The following PITPNM3 variants were observed in gnomAD, a reference collection of about 807,000 sequenced individuals.
PITPNM3 encodes the protein membrane-associated phosphatidylinositol transfer protein 3.
In PITPNM3, 26 loss-of-function variants were observed where a neutral mutation model predicts 102.0. The observed-to-expected ratio is 0.25, with a 90% CI of 0.19 to 0.35. The LOEUF is 0.35. Ranked by LOEUF, PITPNM3 falls within the 10% of genes least tolerant of loss-of-function variation. The probability of loss-of-function intolerance (pLI) is 1.00; values close to 1 mark genes in which losing one functional copy is unlikely to be tolerated. For synonymous variants in PITPNM3, 578 were observed against 558.6 expected, an observed-to-expected ratio of 1.03 and a Z score of -0.49; for missense variants, 1,083 against 1,346.1, an observed-to-expected ratio of 0.80 and a Z score of 3.06.
chr17:6,485,106 G>A (rs1017382673), intron 4 of PITPNM3, among the ~76,000 whole-genome samples: 1 of 151,788 alleles, frequency 6.6e-6, no homozygotes, highest in Non-Finnish European at 1.5e-5. Flanking sequence ...CCATCATCAC[G>A]AAACCATGCA....
At chr17:6,506,413 C>A (rs1218286218) in intron 3 of PITPNM3, among the ~76,000 whole-genome samples, 1 of 148,978 alleles carries the variant, frequency 6.7e-6, no homozygotes, top group African/African-American at 2.5e-5. Context: ...CATTCTGTCA[C>A]CAGGCTGGAG....
chr17:6,544,881 G>A (rs1250178573), intron 1 of PITPNM3, among the ~76,000 whole-genome samples: 1 of 150,758 alleles, frequency 6.6e-6, no homozygotes, highest in African/African-American at 2.4e-5. Context: ...ACACACACAC[G>A]CACACATGCA....
Position 6,455,648 on chromosome 17 carries a change from G to A in PITPNM3, c.2620-5C>T, listed in dbSNP as rs767224545. The A allele has an allele frequency of 1.4e-5, 17 of 1,221,728 alleles. No individual in the cohort carries two copies. Among genetic ancestry groups the A allele is most frequent in the Admixed American group, 5.2e-5 (2 of 38,312 alleles). 75.7% of individuals were successfully genotyped at this position (1,221,728 alleles called of 1,614,324 possible). A position where few individuals can be genotyped will look rare whatever the true frequency, so the allele number is the denominator to read the frequency against. ...GGCGTAGCCCTCGCTCAGGAACTGCGGAGGGCAGGGGAGGGCAGGGGAGGG... is the reference window on the plus strand; with the variant it reads ...GGCGTAGCCCTCGCTCAGGAACTGCAGAGGGCAGGGGAGGGCAGGGGAGGG... On this transcript the variant is annotated splice_region_variant and splice_polypyrimidine_tract_variant and intron_variant, in intron 19 of 19. Transcript: ENST00000262483.
intron 2 of PITPNM3, among the ~76,000 whole-genome samples, chr17:6,533,230 G>A (rs1430914576): frequency 6.6e-6 from 1 of 152,122 alleles, no homozygotes; most frequent in Non-Finnish European, 1.5e-5. Context: ...CCAAAGTGCT[G>A]GGATTACAGG....
Position 6,538,619 on chromosome 17 carries a change from T to C in PITPNM3, c.23-537A>G, listed in dbSNP as rs1909570694. 2.0e-5 allele frequency among the ~76,000 whole-genome samples: 3 copies of C among 152,188 alleles called. No individual in the cohort carries two copies. In the South Asian group the frequency reaches 6.2e-4, roughly 32 times the overall value. ...ATGCTTCTGCCCAGAAATCACACAC[T>C]TCTGCTCGCATTTCACTGGCCCTGA... On this transcript the variant is annotated intron_variant, in intron 1 of 19. Coordinates refer to ENST00000262483, the MANE Select transcript of PITPNM3 (RefSeq NM_031220.4).
chr17:6,477,019 G>C lies in PITPNM3; in HGVS notation c.1085+10C>G. ...CAAGGTCTTCTTGCTTCTGGACAGG[G>C]AGGGGCTACCTTGAGAGGAAGGCAT... On this transcript the variant is annotated intron_variant, in intron 9 of 19. Coordinates refer to ENST00000262483, the MANE Select transcript of PITPNM3 (RefSeq NM_031220.4). 3 of 1,613,942 alleles carry C rather than the reference G, an allele frequency of 1.9e-6. No homozygotes were observed.
At chr17:6,482,678 C>T (rs1045962568) in intron 6 of PITPNM3, among the ~76,000 whole-genome samples, 1 of 152,138 alleles carries the variant, frequency 6.6e-6, no homozygotes, top group Non-Finnish European at 1.5e-5. Context: ...GGATCTGATG[C>T]TATCTCCAGG....
intron 3 of PITPNM3, among the ~76,000 whole-genome samples, chr17:6,505,474 G>A (rs1907447590): frequency 6.6e-6 from 1 of 152,080 alleles, no homozygotes; most frequent in South Asian, 2.1e-4. Context: ...ACAGAGACCT[G>A]GACACCGTCA....
chr17:6,509,613 C>G (rs1370474796), intron 3 of PITPNM3, among the ~76,000 whole-genome samples: 1 of 151,924 alleles, frequency 6.6e-6, no homozygotes, highest in Non-Finnish European at 1.5e-5. Context: ...GACCTGCATG[C>G]TCCCTCCCTG....
chr17:6,486,517 T>C (rs571475653), intron 4 of PITPNM3, among the ~76,000 whole-genome samples: 1 of 152,282 alleles, frequency 6.6e-6, no homozygotes, highest in African/African-American at 2.4e-5. Context: ...AAATATTCTG[T>C]CCTCACAGAC....
At chr17:6,521,567 ACAACACGCTT>A (rs2150637163) in intron 3 of PITPNM3, among the ~76,000 whole-genome samples, 1 of 152,020 alleles carries the variant, frequency 6.6e-6, no homozygotes, top group South Asian at 2.1e-4. Flanking sequence ...AATAGTAATA[ACAACACGCTT>A]CTGGGTGTTC....
rs771613525 is a variant in PITPNM3 at position 6,455,364 on chromosome 17, G to T, written c.2899C>A (p.Pro967Thr). 1 of 1,583,422 alleles carries T rather than the reference G, an allele frequency of 6.3e-7. No homozygotes were observed. Among genetic ancestry groups the T allele is most frequent in the South Asian group, 1.2e-5 (1 of 86,788 alleles). Residue 967 changes from proline (P) to threonine (T), a missense_variant, in exon 20 of 20, where the codon CCC (proline) becomes ACC (threonine). Pro to Thr is a conservative substitution (Grantham distance 38). This residue lies in a region of PITPNM3 where 208 missense variants were observed against 178.2 expected (regional missense o/e 1.17). Coordinates refer to ENST00000262483, the MANE Select transcript of PITPNM3 (RefSeq NM_031220.4). The part of the protein sequence containing the change: ...PLPALSWARG[P>T]PKFESVP The stretch of plus-strand genomic sequence containing the variant: ...CAGGGCACCGACTCGAACTTGGGGG[G>T]CCCACGCGCCCAGCTGAGCGCCGGC...
At position 6,483,765 on chromosome 17, in the gene PITPNM3, G is replaced by A; in HGVS notation, c.352-13C>T. 6.2e-7 allele frequency: 1 copy of A among 1,609,174 alleles called. No homozygotes were observed. The highest frequency in any genetic ancestry group is 1.7e-4 in the Middle Eastern group (1 of 6,060). On this transcript the variant is annotated splice_polypyrimidine_tract_variant and intron_variant, in intron 5 of 19. Transcript: ENST00000262483. ...GCGGGCAGCCTTCCTGAGAGCCAAG[G>A]CGGTTGGAATACAGAGAGAGAGGCG...
At chr17:6,507,384 G>A (rs1440962678) in intron 3 of PITPNM3, among the ~76,000 whole-genome samples, 1 of 152,174 alleles carries the variant, frequency 6.6e-6, no homozygotes, top group East Asian at 1.9e-4. Context: ...AGGAGTTTGA[G>A]ACCAGCCTGG....
intron 6 of PITPNM3, chr17:6,479,677 G>T (rs1245964168): frequency 1.3e-5 from 2 of 152,324 alleles, no homozygotes; most frequent in Admixed American, 1.3e-4. Flanking sequence ...TCTGGGGCAG[G>T]TGACAGGGCT....
In PITPNM3 at chr17:6,457,649, G is replaced by A; in HGVS notation, c.2564C>T (p.Ala855Val). ...ISVYSVLGLP[A>V]SQIFIVGRPT... The stretch of plus-strand genomic sequence containing the variant: ...CCGGCCCACAATGAAGATCTGGGAG[G>A]CAGGCAGGCCCAGCACGCTGTAGAC... The change falls in exon 19 of 20, where the codon GCC becomes GTC. Residue 855 changes from alanine to valine, a missense_variant. Transcript: ENST00000262483. The surrounding 1 kb of genome is among the most constrained non-coding windows in gnomAD (Gnocchi z 4.7). 1 of 1,612,256 alleles carries A rather than the reference G, an allele frequency of 6.2e-7. No individual in the cohort carries two copies. Among genetic ancestry groups the A allele is most frequent in the South Asian group, 1.1e-5 (1 of 90,566 alleles).
chr17:6,473,952 G>C (rs919167219), intron 10 of PITPNM3, among the ~76,000 whole-genome samples: 1 of 141,958 alleles, frequency 7.0e-6, no homozygotes, highest in East Asian at 2.0e-4. Flanking sequence ...ACTCCAGCCT[G>C]GGTGACAGAG....
chr17:6,461,090 A>G, intron 18 of PITPNM3: 1 of 507,326 alleles, frequency 2.0e-6, no homozygotes, highest in African/African-American at 1.9e-5. Context: ...TTAAATGTCT[A>G]TTGGATGAAT....
At chr17:6,536,790 C>A (rs1909458227) in intron 2 of PITPNM3, among the ~76,000 whole-genome samples, 2 of 152,206 alleles carry the variant, frequency 1.3e-5, no homozygotes, top group Admixed American at 1.3e-4. Flanking sequence ...GTTTGCCAAG[C>A]ATTTCAAAGC....
Sources: allele counts gnomAD v4.1 joint callset (sites outside exome capture counted in the v4.1 genomes callset), GRCh38; gene constraint gnomAD v4.1.1; regional missense constraint gnomAD v4.1.1; non-coding constraint Gnocchi (gnomAD v3.1); transcripts MANE v1.5; gene names NCBI Gene and HGNC (gene_info 2026-07-23, HGNC 2026-07-21).